PARD3B: variants seen among roughly 807,000 people sequenced by gnomAD.
PARD3B encodes the protein par-3 family cell polarity regulator beta.
In PARD3B, 103 loss-of-function variants were observed where a neutral mutation model predicts 130.2. The ratio of observed to expected loss-of-function variants is 0.79; its 90% confidence interval spans 0.67 to 0.93. The LOEUF is 0.93. Ranked by LOEUF, PARD3B falls within the 40% of genes least tolerant of loss-of-function variation. The pLI, the probability that PARD3B is intolerant of heterozygous loss-of-function variation, is 0.00. For missense variants in PARD3B, 1,609 were observed against 1,499.2 expected, an observed-to-expected ratio of 1.07 and a Z score of -1.21; for synonymous variants, 583 against 553.2, an observed-to-expected ratio of 1.05 and a Z score of -0.76.
At chr2:205,416,515 A>G (rs1291535686) in intron 19 of PARD3B, among the ~76,000 whole-genome samples, 1 of 152,148 alleles carries the variant, frequency 6.6e-6, no homozygotes, top group African/African-American at 2.4e-5. Flanking sequence ...CCTGTGGGGA[A>G]GGCACCATTC....
intron 2 of PARD3B, among the ~76,000 whole-genome samples, chr2:204,789,125 T>C (rs2042114193): frequency 6.6e-6 from 1 of 152,170 alleles, no homozygotes; most frequent in Non-Finnish European, 1.5e-5. Flanking sequence ...GGTGCAATCA[T>C]AGCTCACTGC....
At chr2:204,572,106 C>T (rs1262122532) in intron 1 of PARD3B, among the ~76,000 whole-genome samples, 4 of 152,134 alleles carry the variant, frequency 2.6e-5, no homozygotes, top group Admixed American at 1.3e-4. Context: ...GGAAAGTAAA[C>T]TGAAGAGTTC....
chr2:204,812,802 G>C (rs1489826738), intron 2 of PARD3B, among the ~76,000 whole-genome samples: 1 of 152,150 alleles, frequency 6.6e-6, no homozygotes. Flanking sequence ...TCTGCTGGGA[G>C]ACTGCCTTTC....
intron 11 of PARD3B, among the ~76,000 whole-genome samples, chr2:205,169,945 T>TC (rs1371726972): frequency 3.3e-5 from 5 of 151,418 alleles, no homozygotes; most frequent in East Asian, 1.9e-4. Context: ...TTTTTTTTTT[T>TC]TGGAGATGGA....
intron 21 of PARD3B, among the ~76,000 whole-genome samples, chr2:205,512,486 T>C (rs368829211): frequency 7.7e-4 from 117 of 152,332 alleles, no homozygotes; most frequent in African/African-American, 2.7e-3. Context: ...GTGTCATCTC[T>C]CACTCACAGA....
At chr2:204,564,490 C>T (rs938197191) in intron 1 of PARD3B, among the ~76,000 whole-genome samples, 1 of 151,968 alleles carries the variant, frequency 6.6e-6, no homozygotes, top group African/African-American at 2.4e-5. Flanking sequence ...CCTGAGGGAA[C>T]GTTTCATGTG....
At chr2:205,384,177 G>C (rs2045580355) in intron 18 of PARD3B, among the ~76,000 whole-genome samples, 1 of 152,030 alleles carries the variant, frequency 6.6e-6, no homozygotes, top group Admixed American at 6.6e-5. Context: ...ATGGATAATT[G>C]AAATCTTCAC....
At chr2:205,389,560 A>G (rs1190344293) in intron 18 of PARD3B, among the ~76,000 whole-genome samples, 1 of 152,082 alleles carries the variant, frequency 6.6e-6, no homozygotes, top group Non-Finnish European at 1.5e-5. Flanking sequence ...ACAGGGTTTC[A>G]CCATGTTGGC....
chr2:204,754,203 A>G (rs1437185300), intron 2 of PARD3B, among the ~76,000 whole-genome samples: 4 of 152,212 alleles, frequency 2.6e-5, no homozygotes, highest in African/African-American at 4.8e-5. Context: ...AGGGCTCAGC[A>G]AATACTTCAC....
chr2:204,551,447 C>T (rs1424085119), intron 1 of PARD3B, among the ~76,000 whole-genome samples: 1 of 152,132 alleles, frequency 6.6e-6, no homozygotes, highest in Non-Finnish European at 1.5e-5. Flanking sequence ...ACTGTTTTTA[C>T]TCTGTGCTTA....
At chr2:204,716,226 C>G (rs1168640232) in intron 2 of PARD3B, among the ~76,000 whole-genome samples, 1 of 152,060 alleles carries the variant, frequency 6.6e-6, no homozygotes, top group Non-Finnish European at 1.5e-5. Context: ...CCACTTACAT[C>G]TGGTATGGAG....
intron 2 of PARD3B, among the ~76,000 whole-genome samples, chr2:204,771,542 A>G (rs890964190): frequency 5.9e-5 from 9 of 152,104 alleles, no homozygotes; most frequent in African/African-American, 1.9e-4. Context: ...GAGGGGGGCA[A>G]GGGTTGAAAA....
chr2:205,196,035 G>A (rs16837092), intron 15 of PARD3B, among the ~76,000 whole-genome samples: 23,729 of 151,924 alleles, frequency 0.16, 2,132 homozygotes, highest in African/African-American at 0.24. Flanking sequence ...AAAGGTGAGT[G>A]GCTTCCATTT....
At chr2:204,777,363 T>C (rs893584804) in intron 2 of PARD3B, among the ~76,000 whole-genome samples, 2 of 152,188 alleles carry the variant, frequency 1.3e-5, no homozygotes, top group African/African-American at 4.8e-5. Flanking sequence ...CTTTAATGTG[T>C]ATGTTGGGGC....
intron 1 of PARD3B, among the ~76,000 whole-genome samples, chr2:204,639,221 A>G (rs1275679447): frequency 6.6e-6 from 1 of 152,246 alleles, no homozygotes; most frequent in Non-Finnish European, 1.5e-5. Context: ...TCTAATTCAT[A>G]TAAGCATTTA....
At chr2:205,553,698 G>A (rs115779901) in intron 22 of PARD3B, among the ~76,000 whole-genome samples, 37 of 152,248 alleles carry the variant, frequency 2.4e-4, no homozygotes, top group African/African-American at 7.2e-4. Context: ...CGAACATCCC[G>A]CACCAAGCTT....
At position 205,121,900 on chromosome 2, in the gene PARD3B, A is replaced by G. The variant is rs924470026; in HGVS notation, c.1116A>G (p.Gly372=). The change falls in exon 8 of 23, where the codon GGA becomes GGG. Residue 372 remains glycine, a synonymous_variant. Transcript: ENST00000406610. This position sits in a 1 kb window ranked among gnomAD's most constrained non-coding sequence, Gnocchi z 5.0. Reference sequence around the variant, plus strand: ...CTCCCTCACTCTCGCCTCTCATGGGATTTGGCAGCAATAAAAATGCAAAGA... The same window carrying G: ...CTCCCTCACTCTCGCCTCTCATGGGGTTTGGCAGCAATAAAAATGCAAAGA... The part of the protein sequence containing the change: ...PSSPSLSPLM[G]FGSNKNAKKI... The G allele has an allele frequency of 6.2e-7, 1 of 1,613,382 alleles. No individual in the cohort carries two copies. The highest frequency in any genetic ancestry group is 2.2e-5 in the East Asian group (1 of 44,870).
intron 2 of PARD3B, among the ~76,000 whole-genome samples, chr2:204,741,554 A>T (rs553794641): frequency 6.6e-6 from 1 of 152,242 alleles, no homozygotes; most frequent in Admixed American, 6.5e-5. Context: ...AGAGCCCTCC[A>T]TGTTATTTTC....
chr2:205,023,376 T>C (rs116325094), intron 3 of PARD3B, among the ~76,000 whole-genome samples: 2,087 of 151,104 alleles, frequency 0.014, 38 homozygotes, highest in African/African-American at 0.047. Flanking sequence ...GCAAAGGAAA[T>C]TGAAGAAAGA....
Sources: allele counts gnomAD v4.1 joint callset (sites outside exome capture counted in the v4.1 genomes callset), GRCh38; gene constraint gnomAD v4.1.1; non-coding constraint Gnocchi (gnomAD v3.1); transcripts MANE v1.5; gene names NCBI Gene and HGNC (gene_info 2026-07-23, HGNC 2026-07-21).